Variants in MAML2 observed in about 807,000 individuals in gnomAD.
MAML2 encodes the protein mastermind like transcriptional coactivator 2.
A neutral mutation model predicts 96.1 loss-of-function variants in MAML2; 22 were observed. The observed-to-expected ratio is 0.23, with a 90% CI of 0.16 to 0.33. The LOEUF (loss-of-function observed/expected upper bound fraction) is 0.33, where lower values mean the gene tolerates loss of function less well. Ranked by LOEUF, MAML2 falls within the 10% of genes least tolerant of loss-of-function variation. The probability of loss-of-function intolerance (pLI) is 1.00; values close to 1 mark genes in which losing one functional copy is unlikely to be tolerated. For synonymous variants in MAML2, 561 were observed against 521.3 expected, an observed-to-expected ratio of 1.08 and a Z score of -1.04; for missense variants, 1,367 against 1,392.4, an observed-to-expected ratio of 0.98 and a Z score of 0.29.
Position 96,190,169 on chromosome 11 carries a change from T to A in MAML2, c.514-96652A>T, listed in dbSNP as rs115250959. ...TAGTATACAAAATGTGGACATTTGATGTGAGGTGAGGTTTTTGGGGAGAGA... is the reference window on the plus strand; with the variant it reads ...TAGTATACAAAATGTGGACATTTGAAGTGAGGTGAGGTTTTTGGGGAGAGA... On this transcript the variant is annotated intron_variant, in intron 1 of 4. Coordinates refer to ENST00000524717, the MANE Select transcript of MAML2 (RefSeq NM_032427.4). 4.3e-3 allele frequency among the ~76,000 whole-genome samples: 660 copies of A among 152,276 alleles called. 2 individuals are homozygous for A. The highest frequency in any genetic ancestry group is 0.014 in the African/African-American group (598 of 41,536).
At chr11:96,080,286 C>T (rs1296535740) in intron 2 of MAML2, among the ~76,000 whole-genome samples, 1 of 152,002 alleles carries the variant, frequency 6.6e-6, no homozygotes, top group Admixed American at 6.6e-5. Flanking sequence ...TGCATTTAGG[C>T]ACATAATGGT....
At chr11:96,096,245 G>A (rs138509528) in intron 1 of MAML2, among the ~76,000 whole-genome samples, 33 of 152,250 alleles carry the variant, frequency 2.2e-4, no homozygotes, top group East Asian at 1.5e-3. Flanking sequence ...TGCAGTATGC[G>A]CTCTGGGAAA....
At chr11:95,990,997 C>G (rs142248052) in intron 3 of MAML2, among the ~76,000 whole-genome samples, 5 of 152,008 alleles carry the variant, frequency 3.3e-5, no homozygotes, top group African/African-American at 7.2e-5. Context: ...ATCGCAATCA[C>G]TTTTGCATCA....
chr11:96,038,887 G>GTATA (rs1210860908), intron 2 of MAML2, among the ~76,000 whole-genome samples: 1 of 152,096 alleles, frequency 6.6e-6, no homozygotes, highest in Non-Finnish European at 1.5e-5. Context: ...TCAGCACTTA[G>GTATA]TATAGTATGT....
chr11:96,274,334 G>A (rs1372305720), intron 1 of MAML2, among the ~76,000 whole-genome samples: 1 of 151,822 alleles, frequency 6.6e-6, no homozygotes, highest in Non-Finnish European at 1.5e-5. Flanking sequence ...GGCCCACCTC[G>A]GCCTTCCAAA....
intron 2 of MAML2, among the ~76,000 whole-genome samples, chr11:96,040,378 C>T (rs956763623): frequency 3.9e-5 from 6 of 152,140 alleles, no homozygotes; most frequent in Admixed American, 2.6e-4. Context: ...AGAAAAGTAT[C>T]ATATCATTAA....
At chr11:96,325,398 A>C (rs928882084) in intron 1 of MAML2, among the ~76,000 whole-genome samples, 7 of 151,916 alleles carry the variant, frequency 4.6e-5, no homozygotes, top group African/African-American at 1.7e-4. Flanking sequence ...GAAATAACAC[A>C]CTCCATAAAC....
At chr11:96,151,481 T>C (rs1325709450) in intron 1 of MAML2, among the ~76,000 whole-genome samples, 2 of 152,222 alleles carry the variant, frequency 1.3e-5, no homozygotes, top group African/African-American at 4.8e-5. Context: ...TGGATCTGTG[T>C]TCCCACCCAA....
intron 1 of MAML2, among the ~76,000 whole-genome samples, chr11:96,249,617 T>A (rs1349167533): frequency 6.6e-6 from 1 of 152,094 alleles, no homozygotes; most frequent in Non-Finnish European, 1.5e-5. Flanking sequence ...TTGGTTCAGT[T>A]CTTTCTTTGA....
intron 1 of MAML2, among the ~76,000 whole-genome samples, chr11:96,120,537 T>A (rs1860320496): frequency 6.6e-6 from 1 of 152,218 alleles, no homozygotes; most frequent in Non-Finnish European, 1.5e-5. Context: ...TGTTAGTAAG[T>A]CTACCTCCCA....
chr11:96,135,036 A>C (rs1860605921), intron 1 of MAML2, among the ~76,000 whole-genome samples: 1 of 152,240 alleles, frequency 6.6e-6, no homozygotes, highest in Non-Finnish European at 1.5e-5. Context: ...AATGTGCCCC[A>C]CAAAGTTCAT....
intron 2 of MAML2, among the ~76,000 whole-genome samples, chr11:96,053,859 C>T (rs1327006754): frequency 6.6e-6 from 1 of 152,194 alleles, no homozygotes; most frequent in South Asian, 2.1e-4. Context: ...TCCTTTCTCT[C>T]TTCATCTGTT....
At chr11:96,073,464 G>A (rs1033916192) in intron 2 of MAML2, among the ~76,000 whole-genome samples, 2 of 152,012 alleles carry the variant, frequency 1.3e-5, no homozygotes, top group Admixed American at 1.3e-4. Context: ...GGGACTACAG[G>A]CGCCCGCCAC....
chr11:96,316,219 C>T (rs1487921225), intron 1 of MAML2, among the ~76,000 whole-genome samples: 1 of 152,184 alleles, frequency 6.6e-6, no homozygotes, highest in African/African-American at 2.4e-5. Flanking sequence ...AGGGTACTTG[C>T]TTGCCCATTC....
intron 3 of MAML2, among the ~76,000 whole-genome samples, chr11:95,986,802 T>C (rs1857835829): frequency 6.6e-6 from 1 of 152,146 alleles, no homozygotes. Flanking sequence ...CAGCTCCCCA[T>C]TCTAAAAGCA....
chr11:96,241,663 A>G (rs1002246550), intron 1 of MAML2, among the ~76,000 whole-genome samples: 5 of 152,256 alleles, frequency 3.3e-5, no homozygotes, highest in Non-Finnish European at 5.9e-5. Flanking sequence ...ATTTGTTGCC[A>G]GAGTGAGTGT....
At chr11:96,224,131 G>T (rs922299562) in intron 1 of MAML2, among the ~76,000 whole-genome samples, 2 of 152,052 alleles carry the variant, frequency 1.3e-5, no homozygotes, top group African/African-American at 2.4e-5. Context: ...CAGTAAAATG[G>T]CACTTAAAAC....
intron 1 of MAML2, among the ~76,000 whole-genome samples, chr11:96,152,288 G>T (rs1444655561): frequency 6.6e-6 from 1 of 152,216 alleles, no homozygotes; most frequent in East Asian, 1.9e-4. Flanking sequence ...GACTCATTCA[G>T]CACTCACTTG....
chr11:96,091,471 T>C (rs541718244), intron 2 of MAML2, among the ~76,000 whole-genome samples: 3 of 135,850 alleles, frequency 2.2e-5, no homozygotes, highest in Admixed American at 2.2e-4. Flanking sequence ...AGTCATTTAA[T>C]ACTCAATCCC....
Sources: allele counts gnomAD v4.1 joint callset (sites outside exome capture counted in the v4.1 genomes callset), GRCh38; gene constraint gnomAD v4.1.1; transcripts MANE v1.5; gene names NCBI Gene and HGNC (gene_info 2026-07-23, HGNC 2026-07-21).